The following PDZD9 variants were observed in gnomAD, a reference collection of about 807,000 sequenced individuals.
The protein encoded by PDZD9 is PDZ domain-containing protein 9.
A neutral mutation model predicts 16.3 loss-of-function variants in PDZD9; 13 were observed. The observed-to-expected ratio is 0.80, with a 90% CI of 0.52 to 1.27. The LOEUF (loss-of-function observed/expected upper bound fraction) is 1.27, where lower values mean the gene tolerates loss of function less well. PDZD9 is among the 50% of genes most tolerant of loss of function. The probability of loss-of-function intolerance (pLI) is 0.00; values close to 1 mark genes in which losing one functional copy is unlikely to be tolerated. For missense variants in PDZD9, 288 were observed against 310.9 expected (o/e 0.93, Z 0.55); for synonymous variants, 120 against 111.0 (o/e 1.08, Z -0.51).
chr16:21,970,112 C>G, the PDZD9 span, among the ~76,000 whole-genome samples: 1 of 152,112 alleles, frequency 6.6e-6, no homozygotes, highest in Admixed American at 6.5e-5. Flanking sequence ...ATAATGTTTT[C>G]AAGGTCCGTC....
chr16:21,999,577 C>T, intron 1 of PDZD9: 1 of 152,494 alleles, frequency 6.6e-6, no homozygotes, highest in Non-Finnish European at 1.5e-5. Flanking sequence ...CCTAGTTCAG[C>T]CTCTTTGCCA....
At chr16:21,962,567 T>C in the PDZD9 span, 5 of 1,609,934 alleles carry the variant, frequency 3.1e-6, no homozygotes, top group Non-Finnish European at 3.4e-6. Context: ...AATACTAAGC[T>C]GCTCACTTCT....
chr16:21,972,181 T>C, the PDZD9 span: 3 of 1,519,138 alleles, frequency 2.0e-6, no homozygotes, highest in East Asian at 2.4e-5. Context: ...ATTTAAGATA[T>C]AATTCTGATA....
At chr16:21,957,684 AC>A in the PDZD9 span, 1 of 1,409,992 alleles carries the variant, frequency 7.1e-7, no homozygotes, top group Non-Finnish European at 9.6e-7. Context: ...ATAACAAATT[AC>A]CACGGACTGG....
chr16:21,980,189 G>T, downstream of PDZD9: 1 of 227,910 alleles, frequency 4.4e-6, no homozygotes, highest in Non-Finnish European at 9.0e-6. Context: ...ACTGGCCAGT[G>T]ACATGCAGAG....
intron 2 of PDZD9, among the ~76,000 whole-genome samples, chr16:21,991,966 G>C (rs1899032775): frequency 6.6e-6 from 1 of 152,144 alleles, no homozygotes. Flanking sequence ...TCCCAGCTCT[G>C]AACACAGACT....
the PDZD9 span, chr16:21,974,025 C>T: frequency 6.8e-7 from 1 of 1,473,598 alleles, no homozygotes; most frequent in Non-Finnish European, 9.2e-7. Context: ...TTATTTCTCC[C>T]CCCCGCCATA....
At position 21,996,261 on chromosome 16, in the gene PDZD9, G is replaced by A. The variant is rs917850775; in HGVS notation, c.211+61C>T. Reference sequence around the variant, plus strand: ...GTTACACTGAAACCCGGTGACCCGAGTCACCCTGCAGGCAGATGGGCAGGA... The same window carrying A: ...GTTACACTGAAACCCGGTGACCCGAATCACCCTGCAGGCAGATGGGCAGGA... On this transcript the variant is annotated intron_variant, in intron 2 of 3. Transcript: ENST00000424898. The A allele has an allele frequency of 9.5e-5, 139 of 1,457,996 alleles. No individual in the cohort carries two copies. In the Admixed American group the frequency reaches 2.0e-3, roughly 21 times the overall value. The allele number at this position is 1,457,996 out of a possible 1,614,324, so 90.3% of individuals were successfully genotyped here. A position where few individuals can be genotyped will look rare whatever the true frequency, so the allele number is the denominator to read the frequency against.
At chr16:21,977,895 T>G in the PDZD9 span, among the ~76,000 whole-genome samples, 1 of 152,162 alleles carries the variant, frequency 6.6e-6, no homozygotes, top group African/African-American at 2.4e-5. Flanking sequence ...ACAACACAAT[T>G]TATTAAATAT....
the PDZD9 span, chr16:21,961,356 G>C: frequency 2.2e-6 from 1 of 447,750 alleles, no homozygotes; most frequent in African/African-American, 2.0e-5. Context: ...ACAGAGTCAT[G>C]ATGAGACCAC....
chr16:22,000,841 A>ATGATGT (rs921997675), intron 1 of PDZD9, among the ~76,000 whole-genome samples, 176 bp downstream of exon 1: 5 of 150,890 alleles, frequency 3.3e-5, no homozygotes, highest in African/African-American at 1.2e-4. Flanking sequence ...GATGATGATG[A>ATGATGT]TGATGATGAT....
the PDZD9 span, among the ~76,000 whole-genome samples, chr16:21,972,951 T>G: frequency 6.6e-6 from 1 of 151,930 alleles, no homozygotes; most frequent in Non-Finnish European, 1.5e-5. Flanking sequence ...AATACAAAAA[T>G]TGTCTGGGCG....
At chr16:21,999,239 C>G (rs1045515971) in intron 1 of PDZD9, 14 of 210,594 alleles carry the variant, frequency 6.6e-5, no homozygotes, top group Non-Finnish European at 7.3e-5. Context: ...AAAGTGCTCG[C>G]TAGGGCCCAG....
the PDZD9 span, among the ~76,000 whole-genome samples, chr16:21,966,199 A>G: frequency 6.6e-6 from 1 of 152,040 alleles, no homozygotes; most frequent in Non-Finnish European, 1.5e-5. Flanking sequence ...TATATAAAAT[A>G]GGTCCTTTGA....
chr16:21,983,544 C>A, downstream of PDZD9: 1 of 271,546 alleles, frequency 3.7e-6, no homozygotes, highest in Admixed American at 5.2e-5. Context: ...AAGATGAAAG[C>A]AAGTTCAAAA....
intron 1 of PDZD9, chr16:21,999,057 A>C (rs1899224059): frequency 6.3e-6 from 1 of 159,002 alleles, no homozygotes; most frequent in Non-Finnish European, 1.4e-5. Flanking sequence ...AAGCTCACCC[A>C]GCAGGAAAGC....
downstream of PDZD9, among the ~76,000 whole-genome samples, chr16:21,979,341 G>T (rs1011573358): frequency 6.6e-5 from 10 of 152,182 alleles, no homozygotes; most frequent in Non-Finnish European, 1.5e-4. Flanking sequence ...CGCAATTTCA[G>T]CTTCCAGTCA....
chr16:21,996,187 A>G (rs1016806713), intron 2 of PDZD9, 135 bp downstream of exon 2: 35 of 1,130,358 alleles, frequency 3.1e-5, no homozygotes, highest in Non-Finnish European at 3.8e-5. Flanking sequence ...TGGCCTCCCA[A>G]AGTGCTGGGA....
At chr16:21,989,324 T>C (rs1312376822) in intron 2 of PDZD9, among the ~76,000 whole-genome samples, 1 of 152,196 alleles carries the variant, frequency 6.6e-6, no homozygotes, top group East Asian at 1.9e-4. Flanking sequence ...AATAGCAGTA[T>C]ATTGGTAGAC....
Sources: gnomAD v4.1 joint callset for allele counts (sites outside exome capture counted in the v4.1 genomes callset) on GRCh38, gnomAD v4.1.1 for gene constraint, MANE v1.5 for transcripts, NCBI Gene and HGNC (gene_info 2026-07-23, HGNC 2026-07-21) for gene names.